The following CGNL1 variants were observed in gnomAD, a reference collection of about 807,000 sequenced individuals.
CGNL1 encodes the protein cingulin-like protein 1.
CGNL1 carries 132 observed loss-of-function variants against 141.2 expected under a neutral mutation model. That is an observed-to-expected ratio of 0.93 (90% CI 0.81 to 1.08). CGNL1 has a LOEUF of 1.08. Among genes scored for constraint, CGNL1 ranks in the 50% least tolerant of loss-of-function variants. The probability of loss-of-function intolerance (pLI) is 0.00; values close to 1 mark genes in which losing one functional copy is unlikely to be tolerated. For missense variants in CGNL1, 1,870 were observed against 1,588.6 expected, an observed-to-expected ratio of 1.18 and a Z score of -3.01; for synonymous variants, 690 against 622.1, an observed-to-expected ratio of 1.11 and a Z score of -1.63.
At chr15:57,395,946 A>G (rs1007809590) in intron 1 of CGNL1, among the ~76,000 whole-genome samples, 8 of 152,158 alleles carry the variant, frequency 5.3e-5, no homozygotes, top group Non-Finnish European at 1.0e-4. Flanking sequence ...TTATTTTTCA[A>G]CAAAGTTGCC....
intron 1 of CGNL1, among the ~76,000 whole-genome samples, chr15:57,386,204 G>A (rs1374572897): frequency 4.6e-5 from 7 of 152,196 alleles, no homozygotes; most frequent in Non-Finnish European, 8.8e-5. Flanking sequence ...TAGCCTGTGG[G>A]GTGGTTAAAC....
intron 12 of CGNL1, 95 bp from the exon 13 acceptor site, chr15:57,528,559 C>A: frequency 7.8e-7 from 1 of 1,285,506 alleles, no homozygotes; most frequent in Non-Finnish European, 1.1e-6. Flanking sequence ...TCCAGCTGAT[C>A]TTCCTTTTGG....
At chr15:57,546,835 T>C (rs1279720041) in intron 18 of CGNL1, among the ~76,000 whole-genome samples, 1 of 152,116 alleles carries the variant, frequency 6.6e-6, no homozygotes, top group Non-Finnish European at 1.5e-5. Context: ...GGAGGCTGGC[T>C]GTGACGTGGG....
At chr15:57,398,794 G>C (rs1299083784) in intron 1 of CGNL1, among the ~76,000 whole-genome samples, 2 of 152,166 alleles carry the variant, frequency 1.3e-5, no homozygotes, top group African/African-American at 4.8e-5. Flanking sequence ...AGAGAACACC[G>C]TACTTTATCA....
intron 11 of CGNL1, 112 bp from the exon 12 acceptor site, chr15:57,524,469 G>C (rs1595796045): frequency 2.0e-6 from 2 of 1,013,336 alleles, no homozygotes; most frequent in Non-Finnish European, 2.9e-6. Context: ...CCATCTTTGA[G>C]GGGGCCATAG....
At chr15:57,547,122 C>G (rs1356394012) in intron 18 of CGNL1, among the ~76,000 whole-genome samples, 1 of 152,218 alleles carries the variant, frequency 6.6e-6, no homozygotes, top group African/African-American at 2.4e-5. Flanking sequence ...CAATACTGAT[C>G]CTATCCCAGC....
intron 1 of CGNL1, chr15:57,401,960 T>C (rs1460606660): frequency 6.6e-6 from 1 of 152,224 alleles, no homozygotes; most frequent in East Asian, 1.9e-4. Flanking sequence ...GTACCCTTTT[T>C]CTTTTTCTCT....
At chr15:57,456,518 A>T (rs888490729) in intron 7 of CGNL1, among the ~76,000 whole-genome samples, 7 of 143,814 alleles carry the variant, frequency 4.9e-5, no homozygotes, top group South Asian at 4.3e-4. Flanking sequence ...AAAACAGTTT[A>T]AAAAAAAAAA....
At chr15:57,428,950 G>T (rs2063011687) in intron 1 of CGNL1, among the ~76,000 whole-genome samples, 1 of 152,022 alleles carries the variant, frequency 6.6e-6, no homozygotes, top group South Asian at 2.1e-4. Context: ...TTGAACCCAG[G>T]AGGCAGAGGT....
intron 1 of CGNL1, among the ~76,000 whole-genome samples, chr15:57,410,747 T>A (rs140656343): frequency 9.8e-5 from 15 of 152,380 alleles, no homozygotes; most frequent in African/African-American, 3.6e-4. Flanking sequence ...AATTTTCTCA[T>A]GCTTATGAGG....
At chr15:57,518,140 T>C (rs79244481) in intron 9 of CGNL1, among the ~76,000 whole-genome samples, 19,343 of 151,868 alleles carry the variant, frequency 0.13, 1,824 homozygotes, top group East Asian at 0.46. Flanking sequence ...ACCCTGTCTC[T>C]AAAAAAATAA....
rs1211767106 is a variant in CGNL1 at position 57,438,031 on chromosome 15, T to A, written c.32T>A (p.Val11Glu). ...CTGTATTTCGGTGAATATCAACATG[T>A]GCAGCAGGAATATGGGGTCCATCTG... is the stretch of plus-strand genomic sequence containing the variant. MELYFGEYQH[V>E]QQEYGVHLRL... is the part of the protein sequence containing the mutation. Residue 11 changes from valine to glutamate, a missense_variant, in exon 2 of 19, where the codon GTG (valine) becomes GAG (glutamate). By Grantham distance (121) the Val-to-Glu change is moderately radical. Coordinates refer to ENST00000281282, the MANE Select transcript of CGNL1 (RefSeq NM_032866.5). 2 of 1,613,352 alleles carry A rather than the reference T, an allele frequency of 1.2e-6. No homozygotes were observed. Among genetic ancestry groups the A allele is most frequent in the Non-Finnish European group, 1.7e-6 (2 of 1,179,976 alleles).
At chr15:57,537,081 C>G (rs1170092680) in intron 14 of CGNL1, among the ~76,000 whole-genome samples, 1 of 152,178 alleles carries the variant, frequency 6.6e-6, no homozygotes, top group Non-Finnish European at 1.5e-5. Flanking sequence ...TGTGCTGGCT[C>G]GATAAGCACT....
Position 57,502,307 on chromosome 15 carries a change from G to T in CGNL1, c.2404-14473G>T, listed in dbSNP as rs2064036399. Among the ~76,000 whole-genome samples, 8 of 152,186 alleles carry T rather than the reference G, an allele frequency of 5.3e-5. No homozygotes were observed. The South Asian group carries it at 1.7e-3, about 32-fold the overall frequency. On this transcript the variant is annotated intron_variant, in intron 8 of 18. Transcript: ENST00000281282. ...GACATCAGCTCAGTGTGAAGGAGGA[G>T]TTTCCATGCCTGAGAGCTGTGGGAA...
rs921203447 is a variant in CGNL1 at position 57,499,429 on chromosome 15, G to A, written c.2404-17351G>A. Among the ~76,000 whole-genome samples, 4 of 151,798 alleles carry A rather than the reference G, an allele frequency of 2.6e-5. 1 individual carries two copies. The highest frequency in any genetic ancestry group is 1.3e-4 in the Admixed American group (2 of 15,254). ...ATTTTTGTATTTTTAGTAGAGGCGG[G>A]GTTTCACCATATTGGCCAAGCTGGT... On this transcript the variant is annotated intron_variant, in intron 8 of 18. Transcript: ENST00000281282.
intron 1 of CGNL1, among the ~76,000 whole-genome samples, chr15:57,408,687 T>C (rs557552658): frequency 6.6e-6 from 1 of 152,250 alleles, no homozygotes; most frequent in East Asian, 1.9e-4. Context: ...TGTCCTTTTC[T>C]GTCAATGAGC....
At chr15:57,406,660 G>A (rs945346667) in intron 1 of CGNL1, among the ~76,000 whole-genome samples, 17 of 152,176 alleles carry the variant, frequency 1.1e-4, no homozygotes, top group Admixed American at 6.5e-4. Context: ...CCCGACACCC[G>A]TCTGGCCCAG....
At chr15:57,389,302 AAAAC>A (rs767688945) in intron 1 of CGNL1, among the ~76,000 whole-genome samples, 1 of 152,228 alleles carries the variant, frequency 6.6e-6, no homozygotes, top group South Asian at 2.1e-4. Context: ...CAAAAAACAA[AAAAC>A]AAACCAAAAA....
At chr15:57,416,510 A>G (rs1189764153) in intron 1 of CGNL1, among the ~76,000 whole-genome samples, 3 of 152,072 alleles carry the variant, frequency 2.0e-5, no homozygotes, top group Non-Finnish European at 2.9e-5. Flanking sequence ...CCCTGCTGTT[A>G]AGATAGCCTT....
Sources: allele counts gnomAD v4.1 joint callset (sites outside exome capture counted in the v4.1 genomes callset), GRCh38; gene constraint gnomAD v4.1.1; transcripts MANE v1.5; gene names NCBI Gene and HGNC (gene_info 2026-07-23, HGNC 2026-07-21).